The following USH2A variants were observed in gnomAD, a reference collection of about 807,000 sequenced individuals.
The protein encoded by USH2A is usherin.
USH2A carries 443 observed loss-of-function variants against 538.9 expected under a neutral mutation model. The observed-to-expected ratio is 0.82, with a 90% CI of 0.76 to 0.89. The LOEUF (loss-of-function observed/expected upper bound fraction) is 0.89, where lower values mean the gene tolerates loss of function less well. USH2A is among the 40% of genes least tolerant of loss of function. USH2A has a pLI of 0.00. For synonymous variants in USH2A, 2,413 were observed against 2,273.5 expected, an observed-to-expected ratio of 1.06 and a Z score of -1.75; for missense variants, 6,633 against 6,324.8, an observed-to-expected ratio of 1.05 and a Z score of -1.65.
intron 18 of USH2A, among the ~76,000 whole-genome samples, chr1:216,197,408 C>A (rs1379272707): frequency 1.3e-5 from 2 of 152,066 alleles, no homozygotes; most frequent in African/African-American, 2.4e-5. Flanking sequence ...GCAGTTTCAC[C>A]CATTACTTTT....
intron 49 of USH2A, 38 bp from the exon 50 acceptor site, chr1:215,799,163 A>T (rs1662240577): frequency 6.4e-7 from 1 of 1,569,140 alleles, no homozygotes; most frequent in Non-Finnish European, 8.7e-7. Flanking sequence ...TACATCAGTT[A>T]AAAAAATATG....
chr1:216,146,074 C>T (rs1488388999), intron 21 of USH2A, among the ~76,000 whole-genome samples: 1 of 152,198 alleles, frequency 6.6e-6, no homozygotes, highest in Non-Finnish European at 1.5e-5. Flanking sequence ...TGACTCGGAT[C>T]GGGGGACCTC....
At chr1:216,007,267 T>C (rs1354332531) in intron 32 of USH2A, among the ~76,000 whole-genome samples, 1 of 152,140 alleles carries the variant, frequency 6.6e-6, no homozygotes, top group Admixed American at 6.5e-5. Context: ...AACGAACTAG[T>C]ACACTCAATT....
intron 48 of USH2A, among the ~76,000 whole-genome samples, chr1:215,814,251 A>G (rs1662794023): frequency 6.8e-6 from 1 of 147,058 alleles, no homozygotes; most frequent in South Asian, 2.1e-4. Flanking sequence ...TATATCTTAT[A>G]TCTTACACAT....
intron 3 of USH2A, among the ~76,000 whole-genome samples, chr1:216,389,383 T>C (rs1011815519): frequency 1.3e-5 from 2 of 152,200 alleles, no homozygotes; most frequent in Non-Finnish European, 2.9e-5. Flanking sequence ...AGTCCTTCTA[T>C]GATGTTGTTG....
At chr1:216,108,880 A>T (rs1404232381) in intron 21 of USH2A, among the ~76,000 whole-genome samples, 4 of 151,906 alleles carry the variant, frequency 2.6e-5, no homozygotes, top group East Asian at 1.9e-4. Flanking sequence ...AATTTTTTTT[A>T]AATGTTTACA....
chr1:215,641,949 C>A (rs1238412909), intron 67 of USH2A, among the ~76,000 whole-genome samples: 3 of 152,138 alleles, frequency 2.0e-5, no homozygotes, highest in Non-Finnish European at 4.4e-5. Flanking sequence ...TTGATTCTGC[C>A]TGATATCACA....
intron 47 of USH2A, among the ~76,000 whole-genome samples, chr1:215,829,125 A>G (rs1257299175): frequency 6.6e-6 from 1 of 152,202 alleles, no homozygotes; most frequent in Non-Finnish European, 1.5e-5. Context: ...CTTTTGGGAT[A>G]TAGAAGGAGC....
intron 58 of USH2A, among the ~76,000 whole-genome samples, chr1:215,750,667 C>A (rs956630162): frequency 6.6e-6 from 1 of 152,164 alleles, no homozygotes; most frequent in Middle Eastern, 3.4e-3. Context: ...GCTTTCCGCA[C>A]GTTTAGGTGG....
At chr1:215,908,902 C>CATTGAAT (rs1665704892) in intron 38 of USH2A, among the ~76,000 whole-genome samples, 2 of 151,134 alleles carry the variant, frequency 1.3e-5, no homozygotes, top group African/African-American at 4.8e-5. Flanking sequence ...ATTTATACTA[C>CATTGAAT]CATCACTAAG....
chr1:215,826,030 C>T (rs1408008840), intron 47 of USH2A, among the ~76,000 whole-genome samples: 2 of 152,036 alleles, frequency 1.3e-5, no homozygotes, highest in African/African-American at 4.8e-5. Flanking sequence ...AAGCTTACTT[C>T]TCAGTTAGAG....
chr1:216,398,761 T>C (rs2039259659), intron 3 of USH2A, among the ~76,000 whole-genome samples: 2 of 152,160 alleles, frequency 1.3e-5, no homozygotes, highest in South Asian at 4.1e-4. Flanking sequence ...AGTGTTCCAA[T>C]TCCCCTTGCC....
chr1:215,654,210 G>A (rs779666653), intron 64 of USH2A, among the ~76,000 whole-genome samples: 3 of 151,972 alleles, frequency 2.0e-5, no homozygotes, highest in Non-Finnish European at 2.9e-5. Context: ...TAGTGTACAC[G>A]TGAACAACGT....
At chr1:216,051,401 A>G (rs1014899620) in intron 30 of USH2A, among the ~76,000 whole-genome samples, 4 of 152,250 alleles carry the variant, frequency 2.6e-5, no homozygotes, top group Non-Finnish European at 5.9e-5. Flanking sequence ...AACTAAAGTT[A>G]TCATCATAAA....
At chr1:216,184,927 A>G (rs865916880) in intron 20 of USH2A, among the ~76,000 whole-genome samples, 1 of 151,978 alleles carries the variant, frequency 6.6e-6, no homozygotes, top group African/African-American at 2.4e-5. Flanking sequence ...AGCTTGTAGT[A>G]TGGAGGTCAA....
chr1:216,296,668 T>TCCA (rs1163907628), intron 9 of USH2A, among the ~76,000 whole-genome samples: 1 of 151,890 alleles, frequency 6.6e-6, no homozygotes, highest in Admixed American at 6.6e-5. Context: ...GAATTGACTG[T>TCCA]TAGGTGATGA....
chr1:216,031,329 T>C (rs1669117246), intron 32 of USH2A, among the ~76,000 whole-genome samples: 1 of 152,128 alleles, frequency 6.6e-6, no homozygotes, highest in South Asian at 2.1e-4. Flanking sequence ...AATGGAAATC[T>C]GCACCAAGGG....
At chr1:215,754,947 T>C (rs903090457) in intron 58 of USH2A, among the ~76,000 whole-genome samples, 1 of 152,216 alleles carries the variant, frequency 6.6e-6, no homozygotes, top group African/African-American at 2.4e-5. Flanking sequence ...GCAGAGATCA[T>C]TGCTGTCACG....
At chr1:215,882,920 A>G (rs1000230464) in intron 41 of USH2A, among the ~76,000 whole-genome samples, 1 of 152,142 alleles carries the variant, frequency 6.6e-6, no homozygotes, top group Non-Finnish European at 1.5e-5. Flanking sequence ...TATTGGAAAG[A>G]TTACCAAGTA....
Sources: allele counts gnomAD v4.1 joint callset (sites outside exome capture counted in the v4.1 genomes callset), GRCh38; gene constraint gnomAD v4.1.1; transcripts MANE v1.5; gene names NCBI Gene and HGNC (gene_info 2026-07-23, HGNC 2026-07-21).